Variants in TENM4 observed in about 807,000 individuals in gnomAD.
The protein encoded by TENM4 is teneurin-4.
A neutral mutation model predicts 243.3 loss-of-function variants in TENM4; 82 were observed. The ratio of observed to expected loss-of-function variants is 0.34; its 90% CI spans 0.28 to 0.40. The LOEUF is 0.40. Among genes scored for constraint, TENM4 ranks in the 10% least tolerant of loss-of-function variants. The pLI, the probability that TENM4 is intolerant of heterozygous loss-of-function variation, is 1.00. For synonymous variants in TENM4, 1,412 were observed against 1,456.3 expected (o/e 0.97, Z 0.69); for missense variants, 3,138 against 3,673.3 (o/e 0.85, Z 3.77).
intron 1 of TENM4, among the ~76,000 whole-genome samples, chr11:79,389,885 C>T (rs1858194899): frequency 6.6e-6 from 1 of 152,186 alleles, no homozygotes; most frequent in African/African-American, 2.4e-5. Flanking sequence ...CTCAATTTCA[C>T]CCCTTGGATT....
chr11:79,236,146 A>G (rs904328450), intron 2 of TENM4, among the ~76,000 whole-genome samples: 6 of 152,104 alleles, frequency 3.9e-5, no homozygotes, highest in Non-Finnish European at 1.5e-5. Flanking sequence ...TGAAACCTCC[A>G]TTACCTGATA....
At chr11:79,051,983 T>C (rs939421495) in intron 6 of TENM4, among the ~76,000 whole-genome samples, 1 of 152,248 alleles carries the variant, frequency 6.6e-6, no homozygotes, top group African/African-American at 2.4e-5. Context: ...CAGTATTCCA[T>C]GGTGTATATG....
chr11:79,026,816 C>T (rs1859091760), intron 6 of TENM4, among the ~76,000 whole-genome samples: 1 of 152,158 alleles, frequency 6.6e-6, no homozygotes, highest in African/African-American at 2.4e-5. Flanking sequence ...GATCACGCAG[C>T]AGAAAAGCCA....
intron 19 of TENM4, among the ~76,000 whole-genome samples, chr11:78,753,980 G>A (rs879824377): frequency 1.3e-5 from 2 of 152,184 alleles, no homozygotes; most frequent in Non-Finnish European, 2.9e-5. Context: ...TGAATCCTCA[G>A]TATAAAATTA....
At chr11:79,348,069 G>A (rs894979602) in intron 1 of TENM4, among the ~76,000 whole-genome samples, 33 of 152,080 alleles carry the variant, frequency 2.2e-4, no homozygotes, top group African/African-American at 7.7e-4. Flanking sequence ...GTGAGCCACC[G>A]CGCCCGGCCC....
chr11:78,706,356 G>T (rs922199879), intron 27 of TENM4, among the ~76,000 whole-genome samples: 1 of 152,108 alleles, frequency 6.6e-6, no homozygotes. Flanking sequence ...GCCTGGGTTT[G>T]TCTCCTCCCA....
chr11:79,339,521 G>T (rs1188164641), intron 1 of TENM4, among the ~76,000 whole-genome samples: 1 of 152,174 alleles, frequency 6.6e-6, no homozygotes, highest in Admixed American at 6.5e-5. Flanking sequence ...CTGCTCCTGT[G>T]CATATCCCTC....
intron 6 of TENM4, among the ~76,000 whole-genome samples, chr11:79,006,013 A>G (rs957245276): frequency 6.6e-6 from 1 of 152,208 alleles, no homozygotes; most frequent in Non-Finnish European, 1.5e-5. Context: ...TTTTTTCACC[A>G]CAACAGAATT....
At chr11:78,661,653 C>T in intron 32 of TENM4, 62 bp from the exon 33 acceptor site, 1 of 1,581,352 alleles carries the variant, frequency 6.3e-7, no homozygotes, top group Non-Finnish European at 8.6e-7. Context: ...GCAACCCATC[C>T]CCATCTCACA....
In TENM4 at chr11:78,720,236, C is replaced by G. The variant is rs1270795660; in HGVS notation, c.3821+134G>C. The stretch of plus-strand genomic sequence containing the variant: ...TATTAATGACTTCCTCCCATTGCAA[C>G]TGATTACCCCAATCAGTTCCAATCA... On this transcript the variant is annotated intron_variant, in intron 25 of 33. Coordinates refer to ENST00000278550, the MANE Select transcript of TENM4 (RefSeq NM_001098816.3). 4.7e-6 allele frequency: 5 copies of G among 1,053,496 alleles called. No individual in the cohort carries two copies. The Admixed American group carries it at 8.9e-5, about 19-fold the overall frequency. 65.3% of individuals were successfully genotyped at this position (1,053,496 alleles called of 1,614,324 possible). A position where few individuals can be genotyped will look rare whatever the true frequency, so the allele number is the denominator to read the frequency against.
At chr11:78,902,340 CAG>C (rs1360540460) in intron 7 of TENM4, among the ~76,000 whole-genome samples, 2 of 152,194 alleles carry the variant, frequency 1.3e-5, no homozygotes, top group Non-Finnish European at 2.9e-5. Flanking sequence ...TTTGGAAAAA[CAG>C]TGTGTAGGCA....
chr11:79,173,634 A>G (rs1185196902), intron 3 of TENM4, among the ~76,000 whole-genome samples: 1 of 152,190 alleles, frequency 6.6e-6, no homozygotes, highest in African/African-American at 2.4e-5. Flanking sequence ...ACTTAGGTAG[A>G]GAAGGGTTGC....
At chr11:79,086,661 TC>T (rs1215026044) in intron 4 of TENM4, among the ~76,000 whole-genome samples, 4 of 151,918 alleles carry the variant, frequency 2.6e-5, no homozygotes, top group Admixed American at 2.6e-4. Context: ...TGGTGAAACC[TC>T]ATCTCTACTA....
At chr11:79,045,321 T>A (rs1387066027) in intron 6 of TENM4, among the ~76,000 whole-genome samples, 1 of 152,064 alleles carries the variant, frequency 6.6e-6, no homozygotes, top group African/African-American at 2.4e-5. Flanking sequence ...GTTCCAGGAA[T>A]GTGAAGAAGC....
At chr11:79,057,425 C>T (rs1859970668) in intron 6 of TENM4, among the ~76,000 whole-genome samples, 1 of 152,162 alleles carries the variant, frequency 6.6e-6, no homozygotes, top group African/African-American at 2.4e-5. Flanking sequence ...TCCTCACAGC[C>T]TGCTCCCTCA....
chr11:79,259,560 C>A (rs1250544229), intron 2 of TENM4, among the ~76,000 whole-genome samples: 1 of 150,674 alleles, frequency 6.6e-6, no homozygotes, highest in Non-Finnish European at 1.5e-5. Context: ...TACTCACTCA[C>A]CCATCCACTC....
chr11:78,776,795 A>G (rs1056469205), intron 17 of TENM4, among the ~76,000 whole-genome samples: 3 of 152,182 alleles, frequency 2.0e-5, no homozygotes, highest in Non-Finnish European at 4.4e-5. Flanking sequence ...AGGTGATTTG[A>G]GAAAGAATAT....
At chr11:79,092,272 T>C (rs1860976829) in intron 4 of TENM4, among the ~76,000 whole-genome samples, 1 of 152,246 alleles carries the variant, frequency 6.6e-6, no homozygotes, top group Non-Finnish European at 1.5e-5. Flanking sequence ...GTACATGTTC[T>C]TGACACAGGT....
chr11:79,159,976 G>A (rs11237734), intron 3 of TENM4, among the ~76,000 whole-genome samples: 16,604 of 151,974 alleles, frequency 0.11, 865 homozygotes, highest in Admixed American at 0.14. Context: ...ATTTATTCAC[G>A]AATTCATTTT....
Sources: gnomAD v4.1 joint callset for allele counts (sites outside exome capture counted in the v4.1 genomes callset) on GRCh38, gnomAD v4.1.1 for gene constraint, MANE v1.5 for transcripts, NCBI Gene and HGNC (gene_info 2026-07-23, HGNC 2026-07-21) for gene names.